Variants in VRK1 observed in about 807,000 individuals in gnomAD.
The protein encoded by VRK1 is serine/threonine-protein kinase VRK1.
In VRK1, 33 loss-of-function variants were observed where a neutral mutation model predicts 57.1. The observed-to-expected ratio is 0.58, with a 90% CI of 0.44 to 0.77. The LOEUF (loss-of-function observed/expected upper bound fraction) is 0.77, where lower values mean the gene tolerates loss of function less well. Ranked by LOEUF, VRK1 falls within the 30% of genes least tolerant of loss-of-function variation. The probability of loss-of-function intolerance (pLI) is 0.00; values close to 1 mark genes in which losing one functional copy is unlikely to be tolerated. For missense variants in VRK1, 413 were observed against 477.3 expected (o/e 0.87, Z 1.25); for synonymous variants, 137 against 147.8 (o/e 0.93, Z 0.53).
chr14:96,846,027 G>A, intron 3 of VRK1, 68 bp from the exon 4 acceptor site: 1 of 1,364,542 alleles, frequency 7.3e-7, no homozygotes, highest in Non-Finnish European at 1.0e-6. Context: ...GGTCTTTTTT[G>A]AAGGTTCATT....
At chr14:96,823,874 G>C (rs996374117) in intron 1 of VRK1, among the ~76,000 whole-genome samples, 1 of 152,088 alleles carries the variant, frequency 6.6e-6, no homozygotes, top group African/African-American at 2.4e-5. Context: ...TATTTTTCAA[G>C]GCTGAATAAT....
chr14:96,837,946 T>C (rs1236226730), intron 3 of VRK1, 129 bp downstream of exon 3: 2 of 517,874 alleles, frequency 3.9e-6, no homozygotes, highest in Non-Finnish European at 3.1e-6. Flanking sequence ...TTAAAAAATA[T>C]TTAATAAGAC....
intron 12 of VRK1, among the ~76,000 whole-genome samples, chr14:96,880,138 T>A (rs1224396461): frequency 6.6e-6 from 1 of 152,234 alleles, no homozygotes; most frequent in East Asian, 1.9e-4. Context: ...TTCATTGAAC[T>A]GTATGATTGA....
intron 3 of VRK1, among the ~76,000 whole-genome samples, chr14:96,842,821 C>T (rs1211311272): frequency 6.6e-6 from 1 of 152,100 alleles, no homozygotes; most frequent in African/African-American, 2.4e-5. Context: ...ACACAGAGCA[C>T]CTTAATTATT....
intron 5 of VRK1, 114 bp downstream of exon 5, chr14:96,847,458 G>T: frequency 1.3e-6 from 1 of 790,488 alleles, no homozygotes; most frequent in Non-Finnish European, 2.2e-6. Context: ...CCTCCCTCTG[G>T]AGTATGTGGA....
At chr14:96,859,857 T>C (rs1888314602) in intron 10 of VRK1, among the ~76,000 whole-genome samples, 1 of 152,084 alleles carries the variant, frequency 6.6e-6, no homozygotes, top group African/African-American at 2.4e-5. Flanking sequence ...AATGGTGATA[T>C]TTACACATCC....
chr14:96,798,885 T>C (rs1177635955), intron 1 of VRK1, among the ~76,000 whole-genome samples: 5 of 152,246 alleles, frequency 3.3e-5, no homozygotes, highest in Non-Finnish European at 5.9e-5. Flanking sequence ...GGAATGTAAC[T>C]TAAGTAGTCA....
intron 7 of VRK1, 21 bp from the exon 8 acceptor site, chr14:96,855,203 T>C: frequency 6.2e-7 from 1 of 1,613,916 alleles, no homozygotes; most frequent in Non-Finnish European, 8.5e-7. Flanking sequence ...TTAGTTTGTC[T>C]TGGTGCTTGG....
intron 11 of VRK1, among the ~76,000 whole-genome samples, chr14:96,871,937 C>T (rs1888839153): frequency 6.6e-6 from 1 of 152,136 alleles, no homozygotes. Context: ...TCTTCTGCCT[C>T]AGCTGGGACT....
chr14:96,879,935 A>AAT (rs1555363501), intron 12 of VRK1, among the ~76,000 whole-genome samples: 1 of 151,716 alleles, frequency 6.6e-6, no homozygotes, highest in Admixed American at 6.6e-5. Context: ...TCAAAAAAAA[A>AAT]AATAATAATA....
At chr14:96,870,892 G>A (rs1347223392) in intron 11 of VRK1, among the ~76,000 whole-genome samples, 1 of 152,104 alleles carries the variant, frequency 6.6e-6, no homozygotes, top group Non-Finnish European at 1.5e-5. Context: ...AGTAAGCCAA[G>A]CTGAAGGGAC....
At chr14:96,830,714 G>T (rs540721567) in intron 1 of VRK1, among the ~76,000 whole-genome samples, 2 of 152,032 alleles carry the variant, frequency 1.3e-5, no homozygotes, top group Admixed American at 6.5e-5. Context: ...GCTGAGTTTC[G>T]TATGCAGCCA....
In VRK1 at chr14:96,847,111, G is replaced by A. The variant is rs546526458; in HGVS notation, c.287-146G>A. The A allele has an allele frequency of 1.6e-4, 100 of 636,654 alleles. 1 individual carries two copies. Among genetic ancestry groups the A allele is most frequent in the East Asian group, 1.5e-3 (53 of 35,570 alleles). 39.4% of individuals were successfully genotyped at this position (636,654 alleles called of 1,614,324 possible). A position where few individuals can be genotyped will look rare whatever the true frequency, so the allele number is the denominator to read the frequency against. On this transcript the variant is annotated intron_variant, in intron 4 of 12. Transcript: ENST00000216639. ...CATCGTAAAATGCTTTTCGTTATTC[G>A]TTATACTGTATTCTTCATTTTCTTT...
At chr14:96,804,485 ATAAG>A (rs945954223) in intron 1 of VRK1, among the ~76,000 whole-genome samples, 12 of 152,234 alleles carry the variant, frequency 7.9e-5, no homozygotes, top group South Asian at 2.1e-4. Context: ...TCTAGAGAAA[ATAAG>A]TAAGAACTGG....
intron 3 of VRK1, among the ~76,000 whole-genome samples, chr14:96,839,731 A>G (rs892654237): frequency 3.3e-5 from 5 of 152,120 alleles, no homozygotes; most frequent in African/African-American, 9.7e-5. Context: ...TGCTTTTTAT[A>G]ATTGAATAGT....
chr14:96,869,530 A>G (rs1024455728), intron 11 of VRK1, among the ~76,000 whole-genome samples: 3 of 152,236 alleles, frequency 2.0e-5, no homozygotes, highest in African/African-American at 4.8e-5. Context: ...TGATTTTTGC[A>G]GTGAAAGACA....
At chr14:96,817,212 T>G (rs1461600120) in intron 1 of VRK1, among the ~76,000 whole-genome samples, 1 of 152,186 alleles carries the variant, frequency 6.6e-6, no homozygotes, top group African/African-American at 2.4e-5. Flanking sequence ...AAGCCATATT[T>G]ATTTCTTTTT....
chr14:96,860,665 G>A lies in VRK1; in HGVS notation c.998G>A (p.Ser333Asn), dbSNP rs374110329. 4.3e-6 allele frequency: 7 copies of A among 1,613,314 alleles called. No homozygotes were observed. In the African/African-American group the frequency reaches 9.3e-5, roughly 22 times the overall value. The change falls in exon 11 of 13, where the codon AGT becomes AAT. Residue 333 changes from serine to asparagine, a missense_variant. Transcript: ENST00000216639. ...ILLQGLKAIGSKDDGKLDLSV... is the reference protein window; with the variant it reads ...ILLQGLKAIGNKDDGKLDLSV... ...TTGCAAGGACTAAAAGCTATAGGAAGTAAGGATGATGGCAAATTGGACCTC... is the reference window on the plus strand; with the variant it reads ...TTGCAAGGACTAAAAGCTATAGGAAATAAGGATGATGGCAAATTGGACCTC...
chr14:96,845,021 T>C (rs1887622969), intron 3 of VRK1, among the ~76,000 whole-genome samples: 1 of 152,150 alleles, frequency 6.6e-6, no homozygotes, highest in Non-Finnish European at 1.5e-5. Context: ...AAACTATAAG[T>C]TGTCACTCAT....
Sources: gnomAD v4.1 joint callset for allele counts (sites outside exome capture counted in the v4.1 genomes callset) on GRCh38, gnomAD v4.1.1 for gene constraint, MANE v1.5 for transcripts, NCBI Gene and HGNC (gene_info 2026-07-23, HGNC 2026-07-21) for gene names.